The following SORL1-AS1 variants were observed in gnomAD, a reference collection of about 807,000 sequenced individuals.
SORL1-AS1 encodes the protein SORL1 antisense RNA 1, also known as lncRNA 51 A.
chr11:121,440,106 C>T, the SORL1-AS1 span, among the ~76,000 whole-genome samples: 2 of 152,166 alleles, frequency 1.3e-5, no homozygotes, highest in African/African-American at 4.8e-5. Flanking sequence ...GGCATGGTGG[C>T]TCATGCCTGT....
intron 1 of SORL1-AS1, among the ~76,000 whole-genome samples, chr11:121,451,294 G>A (rs2134754866): frequency 6.6e-6 from 1 of 152,314 alleles, no homozygotes; most frequent in South Asian, 2.1e-4. Context: ...CAGTTCCATG[G>A]CAGAAGTTTT....
downstream of SORL1-AS1, among the ~76,000 whole-genome samples, chr11:121,443,317 C>A (rs1377028798): frequency 6.6e-6 from 1 of 152,200 alleles, no homozygotes; most frequent in Non-Finnish European, 1.5e-5. Context: ...GGACAAATGA[C>A]TGCCCCAGGT....
chr11:121,450,234 C>CA lies in SORL1-AS1; in HGVS notation n.340-336dup, dbSNP rs1188233848. Among the ~76,000 whole-genome samples the CA allele has an allele frequency of 6.6e-6, 1 of 152,152 alleles. No homozygotes were observed. The highest frequency in any genetic ancestry group is 1.5e-5 in the Non-Finnish European group (1 of 68,022). On this transcript the variant is annotated intron_variant and non_coding_transcript_variant, in intron 1 of 1. Coordinates refer to ENST00000501964, the Ensembl canonical transcript of SORL1-AS1. This position sits in a 1 kb window ranked among gnomAD's most constrained non-coding sequence, Gnocchi z 5.2. The stretch of plus-strand genomic sequence containing the variant: ...AAAACCCCAATAATTGAATCATCTA[C>CA]AGGATGTTCTCACTTTAGCCATATT...
chr11:121,446,762 A>AG (rs1004956348), downstream of SORL1-AS1, among the ~76,000 whole-genome samples: 1 of 151,952 alleles, frequency 6.6e-6, no homozygotes, highest in African/African-American at 2.4e-5. Context: ...AAGAAAAAAA[A>AG]AAAAAAAAGG....
At chr11:121,442,689 A>T (rs371384208), downstream of SORL1-AS1, among the ~76,000 whole-genome samples, 282 of 119,562 alleles carry the variant, frequency 2.4e-3, 8 homozygotes, top group South Asian at 0.059. Flanking sequence ...TTATTTATTT[A>T]TTTTTTTGAG....
the SORL1-AS1 span, among the ~76,000 whole-genome samples, chr11:121,438,170 T>C: frequency 1.1e-4 from 17 of 152,192 alleles, no homozygotes; most frequent in African/African-American, 4.1e-4. Context: ...TGAGGGCTTG[T>C]TTTTTATTAC....
chr11:121,446,541 G>A (rs545389919), downstream of SORL1-AS1, among the ~76,000 whole-genome samples: 175 of 151,974 alleles, frequency 1.2e-3, no homozygotes, highest in Admixed American at 2.4e-3. Context: ...ACCTGAGGAC[G>A]GGAGTTCGAG....
At chr11:121,440,315 G>C in the SORL1-AS1 span, among the ~76,000 whole-genome samples, 2 of 152,258 alleles carry the variant, frequency 1.3e-5, no homozygotes, top group East Asian at 3.9e-4. Flanking sequence ...CGGAGGTTAC[G>C]GTGAGCCGAG....
chr11:121,449,054 T>C (rs746151591), exon 2 of SORL1-AS1: 10 of 152,196 alleles, frequency 6.6e-5, no homozygotes, highest in Admixed American at 1.3e-4. Context: ...TAAACATGAC[T>C]CCACCTGGAT....
chr11:121,452,452 C>T lies in SORL1-AS1; in HGVS notation n.339+223G>A, dbSNP rs1179644636. 1.3e-6 allele frequency: 2 copies of T among 1,509,712 alleles called. No homozygotes were observed. The highest frequency in any genetic ancestry group is 2.8e-5 in the East Asian group (1 of 35,876). 93.5% of individuals were successfully genotyped at this position (1,509,712 alleles called of 1,614,324 possible). ...GCAGAGGCTGCACGGCGGCAGCGCGCCCTTGCCCCAGGACCGGGGCTTCCT... is the reference window on the plus strand; with the variant it reads ...GCAGAGGCTGCACGGCGGCAGCGCGTCCTTGCCCCAGGACCGGGGCTTCCT... On this transcript the variant is annotated intron_variant and non_coding_transcript_variant, in intron 1 of 1. Transcript: ENST00000501964. This position sits in a 1 kb window ranked among gnomAD's most constrained non-coding sequence, Gnocchi z 5.3.
At chr11:121,444,301 A>C (rs148171672), downstream of SORL1-AS1, among the ~76,000 whole-genome samples, 24 of 152,346 alleles carry the variant, frequency 1.6e-4, no homozygotes, top group Non-Finnish European at 3.1e-4. Context: ...GCTCAATAAT[A>C]ATAGGCATCA....
chr11:121,442,292 G>A, the SORL1-AS1 span, among the ~76,000 whole-genome samples: 2 of 152,088 alleles, frequency 1.3e-5, no homozygotes. Context: ...GGTTGGTAAC[G>A]AGCAACTAGA....
chr11:121,451,098 T>C (rs1860784204), intron 1 of SORL1-AS1, among the ~76,000 whole-genome samples: 1 of 152,190 alleles, frequency 6.6e-6, no homozygotes, highest in Non-Finnish European at 1.5e-5. Context: ...CAGCAGCTTG[T>C]ATGCAACTAT....
downstream of SORL1-AS1, among the ~76,000 whole-genome samples, chr11:121,442,572 T>A (rs1448670712): frequency 6.7e-6 from 1 of 150,338 alleles, no homozygotes; most frequent in African/African-American, 2.4e-5. Context: ...GAGGCGGAGG[T>A]TGCAGTGAGC....
exon 2 of SORL1-AS1, chr11:121,447,917 T>A (rs1232228129): frequency 6.6e-6 from 1 of 152,230 alleles, no homozygotes. Context: ...GCTGTTCCAC[T>A]ATACCCAGGA....
chr11:121,452,928 T>G lies in SORL1-AS1; in HGVS notation n.86A>C. 1 of 303,856 alleles carries G rather than the reference T, an allele frequency of 3.3e-6. No individual in the cohort carries two copies. Among genetic ancestry groups the G allele is most frequent in the Non-Finnish European group, 6.1e-6 (1 of 165,256 alleles). The allele number at this position is 303,856 out of a possible 1,614,324, so 18.8% of individuals were successfully genotyped here. ...GGTGCAGCTTCATTTTACATCTGGA[T>G]AAAAAACGGGCTTTCTTTAGTGTAT... is the stretch of plus-strand genomic sequence containing the variant. On this transcript the variant is annotated non_coding_transcript_exon_variant, in exon 1 of 2. Coordinates refer to ENST00000501964, the Ensembl canonical transcript of SORL1-AS1. This position sits in a 1 kb window ranked among gnomAD's most constrained non-coding sequence, Gnocchi z 5.3.
downstream of SORL1-AS1, among the ~76,000 whole-genome samples, chr11:121,446,756 A>T (rs1303258594): frequency 6.8e-6 from 1 of 147,044 alleles, no homozygotes; most frequent in Non-Finnish European, 1.5e-5. Context: ...TAAGAGAAGA[A>T]AAAAAAAAAA....
chr11:121,440,797 G>A, the SORL1-AS1 span, among the ~76,000 whole-genome samples: 2 of 152,106 alleles, frequency 1.3e-5, no homozygotes, highest in African/African-American at 2.4e-5. Flanking sequence ...GCATTTCTAC[G>A]TAGCTGTCCA....
Position 121,452,205 on chromosome 11 carries a change from C to T in SORL1-AS1, n.339+470G>A. On this transcript the variant is annotated intron_variant and non_coding_transcript_variant, in intron 1 of 1. Coordinates refer to ENST00000501964, the Ensembl canonical transcript of SORL1-AS1. The surrounding 1 kb of genome is among the most constrained non-coding windows in gnomAD (Gnocchi z 5.3). ...CGGCGGCGGGCGCAGCGGGGCGGCC[C>T]GGAGCGGCGCGGGCGGCCTGGAGCC... is the stretch of plus-strand genomic sequence containing the variant. 1 of 519,384 alleles carries T rather than the reference C, an allele frequency of 1.9e-6. No individual in the cohort carries two copies. Among genetic ancestry groups the T allele is most frequent in the Non-Finnish European group, 2.5e-6 (1 of 394,044 alleles). The allele number at this position is 519,384 out of a possible 1,614,324, so 32.2% of individuals were successfully genotyped here. A position where few individuals can be genotyped will look rare whatever the true frequency, so the allele number is the denominator to read the frequency against.
Sources: gnomAD v4.1 joint callset for allele counts (sites outside exome capture counted in the v4.1 genomes callset) on GRCh38, gnomAD v4.1.1 for gene constraint, Gnocchi (gnomAD v3.1) non-coding constraint, MANE v1.5 for transcripts, NCBI Gene and HGNC (gene_info 2026-07-23, HGNC 2026-07-21) for gene names.